Variants in GLRA3 observed in about 807,000 individuals in gnomAD.
GLRA3 encodes glycine receptor subunit alpha-3.
In GLRA3, 44 loss-of-function variants were observed where a neutral mutation model predicts 60.4. The ratio of observed to expected loss-of-function variants is 0.73; its 90% confidence interval spans 0.57 to 0.94. The LOEUF is 0.94. Ranked by LOEUF, GLRA3 falls within the 40% of genes least tolerant of loss-of-function variation. GLRA3 has a pLI of 0.00. For missense variants in GLRA3, 508 were observed against 564.6 expected, an observed-to-expected ratio of 0.90 and a Z score of 1.02; for synonymous variants, 223 against 192.9, an observed-to-expected ratio of 1.16 and a Z score of -1.29.
chr4:174,702,690 C>G (rs963884386), intron 5 of GLRA3, among the ~76,000 whole-genome samples: 17 of 152,168 alleles, frequency 1.1e-4, no homozygotes, highest in Non-Finnish European at 2.2e-4. Flanking sequence ...ACCTCAGCCT[C>G]CTGAATAGCT....
intron 5 of GLRA3, among the ~76,000 whole-genome samples, chr4:174,700,265 A>G (rs1735255428): frequency 2.0e-5 from 3 of 152,152 alleles, no homozygotes; most frequent in Admixed American, 1.3e-4. Context: ...ATATTTTACA[A>G]ATTGAAGATT....
intron 3 of GLRA3, among the ~76,000 whole-genome samples, chr4:174,737,101 TATC>T (rs1171065510): frequency 6.6e-6 from 1 of 152,202 alleles, no homozygotes; most frequent in Non-Finnish European, 1.5e-5. Context: ...TTTTTTAAAA[TATC>T]ATATGTAATT....
intron 1 of GLRA3, among the ~76,000 whole-genome samples, chr4:174,814,554 T>C (rs1740407021): frequency 6.6e-6 from 1 of 152,182 alleles, no homozygotes; most frequent in Admixed American, 6.5e-5. Flanking sequence ...TAACTGAGAC[T>C]GGGCAATTTA....
intron 2 of GLRA3, among the ~76,000 whole-genome samples, chr4:174,779,336 A>G (rs1399263434): frequency 6.6e-6 from 1 of 152,148 alleles, no homozygotes; most frequent in Non-Finnish European, 1.5e-5. Flanking sequence ...TCAAAGACCA[A>G]AAGTAGATAA....
At chr4:174,812,639 C>G (rs1482742874) in intron 1 of GLRA3, among the ~76,000 whole-genome samples, 1 of 152,106 alleles carries the variant, frequency 6.6e-6, no homozygotes, top group East Asian at 1.9e-4. Flanking sequence ...TTCAATTTCA[C>G]TCTACTGAAT....
intron 2 of GLRA3, among the ~76,000 whole-genome samples, chr4:174,778,279 G>T (rs1738688161): frequency 6.6e-6 from 1 of 151,882 alleles, no homozygotes; most frequent in South Asian, 2.1e-4. Flanking sequence ...TTCTGAGAAA[G>T]AAATGGTGGA....
intron 1 of GLRA3, among the ~76,000 whole-genome samples, chr4:174,816,947 C>T (rs963450930): frequency 7.2e-5 from 11 of 152,198 alleles, no homozygotes; most frequent in African/African-American, 2.6e-4. Context: ...GGTATCCACC[C>T]CTCAACTATT....
chr4:174,793,534 C>T lies in GLRA3; in HGVS notation c.72-4591G>A, dbSNP rs531569167. ...GCAGCACAATCACAGCTCCCCGCAA[C>T]GTTGAACTTCTGGGCTTAAGCGATC... On this transcript the variant is annotated intron_variant, in intron 1 of 9. Coordinates refer to ENST00000274093, the MANE Select transcript of GLRA3 (RefSeq NM_006529.4). Among the ~76,000 whole-genome samples, 408 of 151,836 alleles carry T rather than the reference C, an allele frequency of 2.7e-3. 4 individuals are homozygous for T. Among genetic ancestry groups the T allele is most frequent in the African/African-American group, 9.0e-3 (372 of 41,420 alleles).
At chr4:174,810,731 A>C (rs573999889) in intron 1 of GLRA3, among the ~76,000 whole-genome samples, 10 of 152,298 alleles carry the variant, frequency 6.6e-5, no homozygotes. Flanking sequence ...TCAAAATTAT[A>C]AATGCAAGTT....
chr4:174,757,577 T>C (rs1167055522), intron 3 of GLRA3, among the ~76,000 whole-genome samples: 2 of 152,112 alleles, frequency 1.3e-5, no homozygotes, highest in African/African-American at 2.4e-5. Context: ...ACTGAACAAT[T>C]TGAGCAGCAA....
At chr4:174,756,738 G>A (rs1298203081) in intron 3 of GLRA3, among the ~76,000 whole-genome samples, 2 of 149,820 alleles carry the variant, frequency 1.3e-5, no homozygotes, top group African/African-American at 2.5e-5. Flanking sequence ...TCCGCCTCCC[G>A]GGTTCACGCC....
At chr4:174,736,961 A>G (rs774768364) in intron 3 of GLRA3, among the ~76,000 whole-genome samples, 10 of 152,216 alleles carry the variant, frequency 6.6e-5, no homozygotes, top group Non-Finnish European at 1.3e-4. Context: ...ATTGCCCTGT[A>G]TATAAAGTTT....
rs563606383 is a variant in GLRA3, at chr4:174,692,350, G to A, written c.575-9411C>T. Among the ~76,000 whole-genome samples the A allele has an allele frequency of 1.3e-4, 20 of 148,658 alleles. No individual in the cohort carries two copies. In the South Asian group the frequency reaches 2.0e-3, roughly 15 times the overall value. On this transcript the variant is annotated intron_variant, in intron 5 of 9. Transcript: ENST00000274093. The stretch of plus-strand genomic sequence containing the variant: ...AGCCCCCCGCTCGGCCAGCCGCCAC[G>A]TCCGGGAGATGAGGGGCGCCTCTGC...
chr4:174,796,234 A>G (rs923883569), intron 1 of GLRA3, among the ~76,000 whole-genome samples: 3 of 152,160 alleles, frequency 2.0e-5, no homozygotes, highest in Non-Finnish European at 4.4e-5. Flanking sequence ...TCAATGTACC[A>G]GGAAGCAGGC....
At chr4:174,815,879 GC>G (rs1189799687) in intron 1 of GLRA3, among the ~76,000 whole-genome samples, 1 of 152,130 alleles carries the variant, frequency 6.6e-6, no homozygotes, top group African/African-American at 2.4e-5. Flanking sequence ...CTAACATTTG[GC>G]TTCCCATTAC....
chr4:174,801,053 G>A (rs577631978), intron 1 of GLRA3, among the ~76,000 whole-genome samples: 7 of 152,060 alleles, frequency 4.6e-5, no homozygotes, highest in East Asian at 1.9e-4. Flanking sequence ...AGGTAGAGTC[G>A]GCTAAACTAT....
chr4:174,663,082 A>C (rs1733517810), intron 7 of GLRA3, among the ~76,000 whole-genome samples: 1 of 152,024 alleles, frequency 6.6e-6, no homozygotes, highest in South Asian at 2.1e-4. Context: ...TTTCTTTTTG[A>C]AAGAGTTTAT....
At chr4:174,748,031 C>T (rs1034620120) in intron 3 of GLRA3, among the ~76,000 whole-genome samples, 4 of 152,030 alleles carry the variant, frequency 2.6e-5, no homozygotes, top group Admixed American at 6.6e-5. Context: ...TACCACTATA[C>T]ATGTGGATGG....
intron 1 of GLRA3, among the ~76,000 whole-genome samples, chr4:174,801,007 T>C (rs890113665): frequency 6.6e-6 from 1 of 152,080 alleles, no homozygotes; most frequent in East Asian, 1.9e-4. Context: ...TTTGTCCAAC[T>C]GTAGGCTAAT....
Sources: allele counts gnomAD v4.1 joint callset (sites outside exome capture counted in the v4.1 genomes callset), GRCh38; gene constraint gnomAD v4.1.1; transcripts MANE v1.5; gene names NCBI Gene and HGNC (gene_info 2026-07-23, HGNC 2026-07-21).